Variants in SERPINI2 observed in about 807,000 individuals in gnomAD.
SERPINI2 encodes serpin family I member 2.
A neutral mutation model predicts 47.3 loss-of-function variants in SERPINI2; 48 were observed. The ratio of observed to expected loss-of-function variants is 1.02; its 90% CI spans 0.81 to 1.29. The LOEUF (loss-of-function observed/expected upper bound fraction) is 1.29. Ranked by LOEUF, SERPINI2 falls within the 50% of genes most tolerant of loss-of-function variation. The pLI, the probability that SERPINI2 is intolerant of heterozygous loss-of-function variation, is 0.00. For synonymous variants in SERPINI2, 135 were observed against 149.3 expected (o/e 0.90, Z 0.70); for missense variants, 448 against 456.9 (o/e 0.98, Z 0.18).
intron 8 of SERPINI2, among the ~76,000 whole-genome samples, chr3:167,444,003 T>G (rs1392388609): frequency 3.3e-5 from 5 of 152,126 alleles, no homozygotes; most frequent in Admixed American, 3.3e-4. Flanking sequence ...TGGAAGCAAC[T>G]TTTACCTCCT....
At chr3:167,474,070 A>G (rs1341754702) in exon 1 of SERPINI2, 2 of 1,033,822 alleles carry the variant, frequency 1.9e-6, no homozygotes, top group Middle Eastern at 4.6e-4. Flanking sequence ...AAACTCTTGT[A>G]CATAAACACC....
At chr3:167,451,760 A>G (rs922089405) in intron 6 of SERPINI2, among the ~76,000 whole-genome samples, 4 of 152,224 alleles carry the variant, frequency 2.6e-5, no homozygotes, top group African/African-American at 9.6e-5. Flanking sequence ...GAAGTGTCTG[A>G]GGCATATTGA....
intron 5 of SERPINI2, among the ~76,000 whole-genome samples, chr3:167,455,095 A>G (rs1402062825): frequency 6.6e-6 from 1 of 152,212 alleles, no homozygotes; most frequent in Non-Finnish European, 1.5e-5. Context: ...TCCAAAGTTT[A>G]TGAGTCTTCA....
intron 2 of SERPINI2, among the ~76,000 whole-genome samples, chr3:167,468,139 G>A (rs1750197426): frequency 6.6e-6 from 1 of 152,158 alleles, no homozygotes; most frequent in Non-Finnish European, 1.5e-5. Context: ...ATTAAGTCTT[G>A]TAACTCTATT....
At position 167,471,616 on chromosome 3, in the gene SERPINI2, T is replaced by TGC; in HGVS notation, c.218_219insGC (p.Thr74GlnfsTer3). Reference sequence around the variant, plus strand: ...CTGAGGTTTCCTGTTGTTTTAAAGTTTGTCTTATCTGCTGCTGTGCTTTTC... The same window carrying TGC: ...CTGAGGTTTCCTGTTGTTTTAAAGTTGCTGTCTTATCTGCTGCTGTGCTTTTC... On this transcript the variant is annotated frameshift_variant, in exon 2 of 9. Transcript: ENST00000264677. LOFTEE classifies it high-confidence loss of function. 6.2e-7 allele frequency: 1 copy of TGC among 1,613,582 alleles called. No individual in the cohort carries two copies. Among genetic ancestry groups the TGC allele is most frequent in the East Asian group, 2.2e-5 (1 of 44,838 alleles).
At chr3:167,464,924 A>G (rs911590003) in intron 5 of SERPINI2, among the ~76,000 whole-genome samples, 10 of 152,218 alleles carry the variant, frequency 6.6e-5, no homozygotes, top group Non-Finnish European at 1.5e-4. Context: ...CATAATAAAA[A>G]GACAATAATT....
intron 3 of SERPINI2, among the ~76,000 whole-genome samples, chr3:167,466,734 C>T (rs944045263): frequency 1.3e-5 from 2 of 151,882 alleles, no homozygotes; most frequent in African/African-American, 4.8e-5. Flanking sequence ...TCTACCTGGC[C>T]AAAGAGATTA....
Position 167,467,016 on chromosome 3 carries a change from A to T in SERPINI2, c.478+39T>A, listed in dbSNP as rs200383042. On this transcript the variant is annotated intron_variant, in intron 3 of 8. Coordinates refer to ENST00000264677, the Ensembl canonical transcript of SERPINI2. ...TTAGGATATTAAAAACCATGAATAC[A>T]ATGGCAAATAATAATTTTATGAAAA... 64 of 1,460,010 alleles carry T rather than the reference A, an allele frequency of 4.4e-5. No homozygotes were observed. The Admixed American group carries it at 8.5e-4, about 19-fold the overall frequency. The allele number at this position is 1,460,010 out of a possible 1,614,324, so 90.4% of individuals were successfully genotyped here.
chr3:167,444,107 C>A (rs1014579761), intron 8 of SERPINI2, among the ~76,000 whole-genome samples: 2 of 152,028 alleles, frequency 1.3e-5, no homozygotes, highest in Non-Finnish European at 2.9e-5. Context: ...AACACACAAC[C>A]CAAAAGAGTT....
At chr3:167,467,587 C>T (rs550017649) in intron 2 of SERPINI2, among the ~76,000 whole-genome samples, 4 of 152,034 alleles carry the variant, frequency 2.6e-5, no homozygotes, top group African/African-American at 7.3e-5. Context: ...TCACATTTAG[C>T]GCATTTTTAG....
At chr3:167,442,587 T>C (rs886557072) in intron 8 of SERPINI2, among the ~76,000 whole-genome samples, 4 of 152,232 alleles carry the variant, frequency 2.6e-5, no homozygotes, top group African/African-American at 9.6e-5. Context: ...ATGCATGTAA[T>C]GTAAGTCTTA....
At chr3:167,473,658 A>T in intron 1 of SERPINI2, 1 of 581,122 alleles carries the variant, frequency 1.7e-6, no homozygotes, top group Non-Finnish European at 2.8e-6. Context: ...GAGCATCCAC[A>T]TCCATTTTTT....
intron 5 of SERPINI2, among the ~76,000 whole-genome samples, chr3:167,461,778 T>C (rs985156091): frequency 6.6e-6 from 1 of 151,966 alleles, no homozygotes; most frequent in Admixed American, 6.6e-5. Flanking sequence ...GTCCAACTAA[T>C]GTTTTTTTAT....
chr3:167,463,045 T>C (rs1750027000), intron 5 of SERPINI2, among the ~76,000 whole-genome samples: 1 of 152,170 alleles, frequency 6.6e-6, no homozygotes, highest in Admixed American at 6.5e-5. Context: ...ATCCACATTT[T>C]ATATTGATAA....
At chr3:167,459,709 C>G (rs1344058616) in intron 5 of SERPINI2, among the ~76,000 whole-genome samples, 1 of 143,610 alleles carries the variant, frequency 7.0e-6, no homozygotes, top group East Asian at 2.1e-4. Context: ...CATATACTAA[C>G]TTTGCTACCA....
intron 5 of SERPINI2, among the ~76,000 whole-genome samples, chr3:167,455,703 A>C (rs1286933854): frequency 1.3e-5 from 2 of 152,188 alleles, no homozygotes; most frequent in African/African-American, 2.4e-5. Flanking sequence ...AAGGCTGTAC[A>C]GGGAGCATGA....
At chr3:167,444,669 G>C (rs556234020) in intron 8 of SERPINI2, among the ~76,000 whole-genome samples, 1 of 152,080 alleles carries the variant, frequency 6.6e-6, no homozygotes, top group Non-Finnish European at 1.5e-5. Flanking sequence ...CCTGATAAAT[G>C]AGCGGCCATT....
chr3:167,460,596 A>C (rs1749956450), intron 5 of SERPINI2, among the ~76,000 whole-genome samples: 1 of 152,224 alleles, frequency 6.6e-6, no homozygotes, highest in Admixed American at 6.5e-5. Flanking sequence ...AACAATAACA[A>C]ATTTCTGTCC....
At position 167,453,047 on chromosome 3, in the gene SERPINI2, AAAAAG is replaced by A; in HGVS notation, c.867-19_867-15del. ...TCTACTTTAAATCTGTTATTAAAAA[AAAAAG>A]AAAAAGAAAAGTCTTGAAACACTGC... is the stretch of plus-strand genomic sequence containing the variant. On this transcript the variant is annotated splice_polypyrimidine_tract_variant and intron_variant, in intron 5 of 8. Coordinates refer to ENST00000264677, the Ensembl canonical transcript of SERPINI2. 2.1e-6 allele frequency: 3 copies of A among 1,426,176 alleles called. No homozygotes were observed. Among genetic ancestry groups the A allele is most frequent in the Non-Finnish European group, 2.9e-6 (3 of 1,041,194 alleles). The allele number at this position is 1,426,176 out of a possible 1,614,324, so 88.3% of individuals were successfully genotyped here. A position where few individuals can be genotyped will look rare whatever the true frequency, so the allele number is the denominator to read the frequency against.
Sources: gnomAD v4.1 joint callset for allele counts (sites outside exome capture counted in the v4.1 genomes callset) on GRCh38, gnomAD v4.1.1 for gene constraint, MANE v1.5 for transcripts, NCBI Gene and HGNC (gene_info 2026-07-23, HGNC 2026-07-21) for gene names.